KATNB1: variants seen among roughly 807,000 people sequenced by gnomAD.
KATNB1 encodes the protein katanin regulatory subunit B1.
A neutral mutation model predicts 82.3 loss-of-function variants in KATNB1; 38 were observed. That is an observed-to-expected ratio of 0.46 (90% CI 0.36 to 0.61). The LOEUF is 0.61. Among genes scored for constraint, KATNB1 ranks in the 20% least tolerant of loss-of-function variants. The pLI is 0.00. For missense variants in KATNB1, 749 were observed against 915.7 expected (o/e 0.82, Z 2.35); for synonymous variants, 361 against 368.7 (o/e 0.98, Z 0.24).
rs550831374 is a variant in KATNB1 at position 57,740,994 on chromosome 16, C to T, written c.41-693C>T. On this transcript the variant is annotated intron_variant, in intron 2 of 19. Coordinates refer to ENST00000379661, the MANE Select transcript of KATNB1 (RefSeq NM_005886.3). ...CAGCATCAGGTGTGAGCAGACACCA[C>T]GGGCATCCCCACTTTCCAGACGAGG... 5.3e-5 allele frequency among the ~76,000 whole-genome samples: 8 copies of T among 152,354 alleles called. No homozygotes were observed. In the East Asian group the frequency reaches 7.7e-4, roughly 15 times the overall value.
At chr16:57,740,729 A>G (rs1429906667) in intron 2 of KATNB1, among the ~76,000 whole-genome samples, 1 of 151,944 alleles carries the variant, frequency 6.6e-6, no homozygotes, top group African/African-American at 2.4e-5. Context: ...TGCCATCTCC[A>G]CGGACCAGGC....
rs140131091 is a variant in KATNB1, at chr16:57,738,526, G to T, written c.40+1243G>T. Among the ~76,000 whole-genome samples the T allele has an allele frequency of 2.0e-3, 297 of 152,274 alleles. 8 individuals carry two copies. In the East Asian group the frequency reaches 0.043, roughly 22 times the overall value. On this transcript the variant is annotated intron_variant, in intron 2 of 19. Coordinates refer to ENST00000379661, the MANE Select transcript of KATNB1 (RefSeq NM_005886.3). ...GTGCCTCAGCCTCCCAAAGTGCTGG[G>T]ATGACAGGCATGAGCCACCATGCCT... is the stretch of plus-strand genomic sequence containing the variant.
Position 57,756,953 on chromosome 16 carries a change from C to T in KATNB1, c.*7C>T, listed in dbSNP as rs782445244. On this transcript the variant is annotated 3_prime_UTR_variant, in exon 20 of 20. Coordinates refer to ENST00000379661, the MANE Select transcript of KATNB1 (RefSeq NM_005886.3). ...CATGGCCAGTCTGGACTGAGGAAAG[C>T]AGTGGGCAGGGGCGCTCGGCAGCCC... 8.5e-6 allele frequency: 13 copies of T among 1,523,280 alleles called. No individual in the cohort carries two copies. In the African/African-American group the frequency reaches 1.2e-4, roughly 15 times the overall value. The allele number at this position is 1,523,280 out of a possible 1,614,324, so 94.4% of individuals were successfully genotyped here. A position where few individuals can be genotyped will look rare whatever the true frequency, so the allele number is the denominator to read the frequency against.
intron 2 of KATNB1, among the ~76,000 whole-genome samples, chr16:57,739,174 G>A (rs1360710990): frequency 6.6e-6 from 1 of 152,168 alleles, no homozygotes; most frequent in Non-Finnish European, 1.5e-5. Context: ...GCAAGGCCAA[G>A]CCATCAGTGT....
rs1448416132 is a variant in KATNB1, at chr16:57,748,023, CT to C, written c.290-2803del. ...TTCAGTACTGGGGTGGGCCCAGGATCTGGATTTTAATAAGCTTCCAGGTGAT... is the reference window on the plus strand; with the variant it reads ...TTCAGTACTGGGGTGGGCCCAGGATCGGATTTTAATAAGCTTCCAGGTGAT... On this transcript the variant is annotated intron_variant, in intron 4 of 19. Transcript: ENST00000379661. 3.9e-5 allele frequency among the ~76,000 whole-genome samples: 6 copies of C among 152,140 alleles called. No individual in the cohort carries two copies. In the East Asian group the frequency reaches 1.2e-3, roughly 29 times the overall value.
Position 57,755,222 on chromosome 16 carries a change from C to T in KATNB1, c.1400C>T (p.Ala467Val). The T allele has an allele frequency of 6.2e-7, 1 of 1,611,070 alleles. No homozygotes were observed. The highest frequency in any genetic ancestry group is 1.1e-5 in the South Asian group (1 of 91,056). Residue 467 changes from alanine (A) to valine (V), a missense_variant, in exon 15 of 20, where the codon GCC (alanine) becomes GTC (valine). Around this residue, in one of 3 missense-constraint regions of KATNB1, gnomAD observed 407 missense variants for 434.7 expected, o/e 0.94. Coordinates refer to ENST00000379661, the MANE Select transcript of KATNB1 (RefSeq NM_005886.3). ...CGGAACGAGCCCATCGGGCTGAAGG[C>T]CTCCGACTTCCTGCCCGTGAGTAGG... Reference protein sequence around the residue: ...ATRNEPIGLKASDFLPAVKIP... With the variant: ...ATRNEPIGLKVSDFLPAVKIP...
At chr16:57,752,740 G>A in intron 9 of KATNB1, 38 bp from the exon 10 acceptor site, 2 of 1,599,470 alleles carry the variant, frequency 1.3e-6, no homozygotes, top group Non-Finnish European at 1.7e-6. Flanking sequence ...ACCAGGCTGG[G>A]TGCCACAGGA....
chr16:57,741,741 C>T lies in KATNB1; in HGVS notation c.95C>T (p.Ser32Phe). ...NVSSLVLGKA[S>F]GRLLATGGDD... ...TCCTCACTGGTGCTGGGCAAAGCCT[C>T]CGGGCGGCTGCTGGCTACAGGCGGG... Residue 32 changes from serine (S) to phenylalanine (F), a missense_variant, in exon 3 of 20, where the codon TCC (serine) becomes TTC (phenylalanine). This residue lies in a region of KATNB1 where 247 missense variants were observed against 349.4 expected (regional missense o/e 0.71). Transcript: ENST00000379661. 1 of 1,614,198 alleles carries T rather than the reference C, an allele frequency of 6.2e-7. No homozygotes were observed. Among genetic ancestry groups the T allele is most frequent in the Non-Finnish European group, 8.5e-7 (1 of 1,180,042 alleles).
intron 15 of KATNB1, 27 bp downstream of exon 15, chr16:57,755,265 G>C (rs1555585438): frequency 1.9e-6 from 3 of 1,610,588 alleles, no homozygotes; most frequent in Admixed American, 3.3e-5. Context: ...CTCGAGGCAT[G>C]GGTGGAGGTC....
At chr16:57,736,611 C>T (rs2049101783) in intron 1 of KATNB1, among the ~76,000 whole-genome samples, 1 of 152,254 alleles carries the variant, frequency 6.6e-6, no homozygotes, top group African/African-American at 2.4e-5. Context: ...AGCTTAGCTT[C>T]TGACTCCGCT....
rs150516698 is a variant in KATNB1, at chr16:57,755,141, C to G, written c.1319C>G (p.Pro440Arg). 31,656 of 1,612,766 alleles carry G rather than the reference C, an allele frequency of 0.02. 375 individuals are homozygous for G. The highest frequency in any genetic ancestry group is 0.023 in the Non-Finnish European group (26,558 of 1,179,866). The part of the protein sequence containing the change: ...VPNLEVLPRP[P>R]VVASTPAPKA... ...CAGCTGGAGGTCCTGCCCCGGCCCC[C>G]AGTGGTTGCTTCCACACCTGCACCC... The change falls in exon 15 of 20, where the codon CCA (proline) becomes CGA (arginine). Residue 440 changes from proline to arginine, a missense_variant. By Grantham distance (103) the Pro-to-Arg change is moderately radical. Coordinates refer to ENST00000379661, the MANE Select transcript of KATNB1 (RefSeq NM_005886.3).
chr16:57,752,307 C>A, intron 8 of KATNB1: 3 of 623,466 alleles, frequency 4.8e-6, no homozygotes, highest in Non-Finnish European at 5.7e-6. Context: ...TCTAGTGGGA[C>A]CCCATAGGGC....
Position 57,751,333 on chromosome 16 carries a change from A to C in KATNB1, c.432+31A>C, listed in dbSNP as rs1213340481. On this transcript the variant is annotated intron_variant, in intron 6 of 19. Transcript: ENST00000379661. This position sits in a 1 kb window ranked among gnomAD's most constrained non-coding sequence, Gnocchi z 6.3. ...GATGCGCTCTGTCGGTGACTCCATGAGCACCTTGCGGGCATTGAGTGTGGT... is the reference window on the plus strand; with the variant it reads ...GATGCGCTCTGTCGGTGACTCCATGCGCACCTTGCGGGCATTGAGTGTGGT... 3.1e-6 allele frequency: 5 copies of C among 1,605,464 alleles called. No individual in the cohort carries two copies. The highest frequency in any genetic ancestry group is 4.3e-6 in the Non-Finnish European group (5 of 1,172,364).
In KATNB1 at chr16:57,755,995, C is replaced by T. The variant is rs11555151; in HGVS notation, c.1647C>T (p.Ser549=). ...DLLNIVNQKA[S]LWKLDLCTTV... ...AGCATGTCCTGGCCTCTCCTAGCTC[C>T]CTGTGGAAGCTGGACCTGTGCACCA... The change falls in exon 18 of 20, where the codon TCC becomes TCT. Residue 549 remains serine (S), a synonymous_variant. Transcript: ENST00000379661. 1 of 1,613,300 alleles carries T rather than the reference C, an allele frequency of 6.2e-7. No individual in the cohort carries two copies. Among genetic ancestry groups the T allele is most frequent in the Non-Finnish European group, 8.5e-7 (1 of 1,180,002 alleles).
intron 3 of KATNB1, among the ~76,000 whole-genome samples, chr16:57,742,854 T>C (rs2049152690): frequency 6.6e-6 from 1 of 152,192 alleles, no homozygotes; most frequent in Non-Finnish European, 1.5e-5. Flanking sequence ...TGTTAAAGCT[T>C]TCAAAACAGA....
chr16:57,742,043 A>G (rs2049147863), intron 3 of KATNB1, among the ~76,000 whole-genome samples: 1 of 152,228 alleles, frequency 6.6e-6, no homozygotes, highest in Non-Finnish European at 1.5e-5. Flanking sequence ...TGGCTGGGAC[A>G]GTGGCCAGCC....
At chr16:57,742,474 C>T (rs2049150561) in intron 3 of KATNB1, among the ~76,000 whole-genome samples, 1 of 152,254 alleles carries the variant, frequency 6.6e-6, no homozygotes, top group Non-Finnish European at 1.5e-5. Context: ...GATACATATA[C>T]GTGTACATGC....
chr16:57,751,718 C>G lies in KATNB1; in HGVS notation c.510C>G (p.Thr170=). The change falls in exon 7 of 20, where the codon ACC becomes ACG. Residue 170 remains threonine, a synonymous_variant. Transcript: ENST00000379661. The surrounding 1 kb of genome is among the most constrained non-coding windows in gnomAD (Gnocchi z 6.3). ...TGGCGTCGGCCGCAGATGACCACAC[C>G]GTGAAGGTAGCTCCCGGCCTGACCT... The part of the protein sequence containing the change: ...KWLASAADDH[T]VKLWDLTAGK... 6.2e-7 allele frequency: 1 copy of G among 1,609,634 alleles called. No individual in the cohort carries two copies. Among genetic ancestry groups the G allele is most frequent in the Non-Finnish European group, 8.5e-7 (1 of 1,179,988 alleles).
chr16:57,755,446 C>T lies in KATNB1; in HGVS notation c.1518C>T (p.His506=), dbSNP rs782666249. The change falls in exon 16 of 20, where the codon CAC becomes CAT. Residue 506 remains histidine (H), a synonymous_variant. Coordinates refer to ENST00000379661, the MANE Select transcript of KATNB1 (RefSeq NM_005886.3). ...TGTGTGTGGTGCTCACCAGCCGCCACAAGAACCTGGACACTGTGCGGGCTG... is the reference window on the plus strand; with the variant it reads ...TGTGTGTGGTGCTCACCAGCCGCCATAAGAACCTGGACACTGTGCGGGCTG... The part of the protein sequence containing the change: ...DTMCVVLTSR[H]KNLDTVRAVW... 2.5e-6 allele frequency: 4 copies of T among 1,613,370 alleles called. No homozygotes were observed. In the African/African-American group the frequency reaches 5.3e-5, roughly 22 times the overall value.
Sources: gnomAD v4.1 joint callset for allele counts (sites outside exome capture counted in the v4.1 genomes callset) on GRCh38, gnomAD v4.1.1 for gene constraint, gnomAD v4.1.1 regional missense constraint, Gnocchi (gnomAD v3.1) non-coding constraint, MANE v1.5 for transcripts, NCBI Gene and HGNC (gene_info 2026-07-23, HGNC 2026-07-21) for gene names.